FRMD5: variants seen among roughly 807,000 people sequenced by gnomAD.
FRMD5 encodes the protein FERM domain containing 5.
Under a neutral mutation model 69.0 loss-of-function variants are expected in FRMD5, and 20 were observed. The observed-to-expected ratio is 0.29, with a 90% CI of 0.20 to 0.42. The LOEUF (loss-of-function observed/expected upper bound fraction) is 0.42. FRMD5 is among the 10% of genes least tolerant of loss of function. The pLI is 1.00. For synonymous variants in FRMD5, 271 were observed against 260.1 expected (o/e 1.04, Z -0.40); for missense variants, 595 against 708.6 (o/e 0.84, Z 1.82).
intron 1 of FRMD5, among the ~76,000 whole-genome samples, chr15:44,169,704 A>G (rs980704341): frequency 1.3e-5 from 2 of 152,166 alleles, no homozygotes; most frequent in African/African-American, 4.8e-5. Context: ...ATATGATACA[A>G]TAACAAAACA....
In FRMD5 at chr15:43,884,787, A is replaced by G; in HGVS notation, c.968T>C (p.Val323Ala). ...ACTTGATTCCATGACTTCCTTTGCA[A>G]CTCGGCCACTGTAAGTAGTGTAATA... ...KGSRFRYSGR[V>A]AKEVMESSAK... Residue 323 changes from valine to alanine, a missense_variant, in exon 12 of 14, where the codon GTT becomes GCT. Around this residue, in one of 5 missense-constraint regions of FRMD5, gnomAD observed 176 missense variants for 266.3 expected, o/e 0.66. Transcript: ENST00000417257. 1 of 1,613,986 alleles carries G rather than the reference A, an allele frequency of 6.2e-7. No homozygotes were observed. Among genetic ancestry groups the G allele is most frequent in the Non-Finnish European group, 8.5e-7 (1 of 1,179,902 alleles).
At chr15:44,172,306 G>A (rs1371582638) in intron 1 of FRMD5, among the ~76,000 whole-genome samples, 1 of 148,822 alleles carries the variant, frequency 6.7e-6, no homozygotes, top group Non-Finnish European at 1.5e-5. Flanking sequence ...GAGGGACAGG[G>A]TCTTGCCATG....
intron 1 of FRMD5, among the ~76,000 whole-genome samples, chr15:44,037,319 A>G (rs1356874888): frequency 6.6e-6 from 1 of 152,082 alleles, no homozygotes; most frequent in Non-Finnish European, 1.5e-5. Flanking sequence ...ACATGAACTC[A>G]TCCTTTTTTA....
intron 1 of FRMD5, among the ~76,000 whole-genome samples, chr15:43,945,934 TA>T (rs2089939700): frequency 6.6e-6 from 1 of 152,048 alleles, no homozygotes; most frequent in Non-Finnish European, 1.5e-5. Flanking sequence ...CATGTGCCTG[TA>T]ATCCCAGCTA....
At chr15:44,149,284 A>G (rs1702210368) in intron 1 of FRMD5, among the ~76,000 whole-genome samples, 1 of 152,178 alleles carries the variant, frequency 6.6e-6, no homozygotes, top group Admixed American at 6.5e-5. Context: ...ACAAAAAGAA[A>G]TAAGAAAGGA....
intron 1 of FRMD5, among the ~76,000 whole-genome samples, chr15:44,079,715 T>A (rs1893919563): frequency 6.6e-6 from 1 of 152,128 alleles, no homozygotes; most frequent in Non-Finnish European, 1.5e-5. Context: ...AATCCAAATG[T>A]CCATTGACTG....
intron 1 of FRMD5, among the ~76,000 whole-genome samples, chr15:44,186,920 G>A (rs919823139): frequency 6.6e-6 from 1 of 152,186 alleles, no homozygotes; most frequent in African/African-American, 2.4e-5. Context: ...AAGCTGTCAG[G>A]GGTTCACTGG....
chr15:43,928,390 A>G (rs1207204967), intron 1 of FRMD5, among the ~76,000 whole-genome samples: 1 of 152,194 alleles, frequency 6.6e-6, no homozygotes, highest in Non-Finnish European at 1.5e-5. Context: ...ATCAACTTAG[A>G]GCTCTGCGCA....
At chr15:43,954,135 TATC>T (rs1296634043) in intron 1 of FRMD5, among the ~76,000 whole-genome samples, 2 of 152,214 alleles carry the variant, frequency 1.3e-5, no homozygotes, top group Non-Finnish European at 2.9e-5. Context: ...TTCAATTAAA[TATC>T]ATCAGGAAAG....
chr15:44,017,470 T>C (rs1178783143), intron 1 of FRMD5, among the ~76,000 whole-genome samples: 1 of 152,200 alleles, frequency 6.6e-6, no homozygotes, highest in Non-Finnish European at 1.5e-5. Context: ...TTTATTATTG[T>C]GATTACATTT....
At chr15:44,154,769 G>A (rs1005235988) in intron 1 of FRMD5, among the ~76,000 whole-genome samples, 5 of 152,174 alleles carry the variant, frequency 3.3e-5, no homozygotes, top group Non-Finnish European at 7.3e-5. Flanking sequence ...TCATGCGGAA[G>A]GGCTGAAAGG....
chr15:43,941,067 A>C (rs1207165063), intron 1 of FRMD5, among the ~76,000 whole-genome samples: 1 of 152,198 alleles, frequency 6.6e-6, no homozygotes, highest in Non-Finnish European at 1.5e-5. Context: ...TCAATTATCA[A>C]AGCATAGAAA....
intron 13 of FRMD5, chr15:43,879,572 C>G (rs1425186690): frequency 5.0e-6 from 2 of 398,948 alleles, no homozygotes; most frequent in African/African-American, 4.1e-5. Flanking sequence ...GCCGGGGCCC[C>G]ATCCTCAGGA....
At chr15:44,084,770 T>G (rs1415846550) in intron 1 of FRMD5, among the ~76,000 whole-genome samples, 1 of 152,082 alleles carries the variant, frequency 6.6e-6, no homozygotes, top group African/African-American at 2.4e-5. Flanking sequence ...ATTTGTTTTT[T>G]AAAAAGAACT....
intron 1 of FRMD5, among the ~76,000 whole-genome samples, chr15:43,974,374 C>G (rs1167356704): frequency 6.6e-6 from 1 of 152,166 alleles, no homozygotes; most frequent in Non-Finnish European, 1.5e-5. Flanking sequence ...GGACTCCTAT[C>G]CAGTTGTCCA....
chr15:43,945,350 A>AT (rs200438189), intron 1 of FRMD5, among the ~76,000 whole-genome samples: 2,300 of 152,076 alleles, frequency 0.015, 63 homozygotes, highest in African/African-American at 0.053. Flanking sequence ...TAAAAATGTC[A>AT]TTTTTTTTAA....
chr15:44,014,943 G>A (rs1890889957), intron 1 of FRMD5, among the ~76,000 whole-genome samples: 1 of 152,102 alleles, frequency 6.6e-6, no homozygotes, highest in Non-Finnish European at 1.5e-5. Flanking sequence ...AGGGATGAAA[G>A]CACAAGAGGA....
rs1385798025 is a variant in FRMD5, at chr15:43,875,390, A to ATATATATATATATATATATATG, written c.1136-929_1136-928insCATATATATATATATATATATA. On this transcript the variant is annotated intron_variant, in intron 13 of 13. Coordinates refer to ENST00000417257, the MANE Select transcript of FRMD5 (RefSeq NM_032892.5). ...TATATATATATATATATATATATATATATGTATGTATGAAACAAGAGAAGG... is the reference window on the plus strand; with the variant it reads ...TATATATATATATATATATATATATATATATATATATATATATATATGTATGTATGTATGAAACAAGAGAAGG... Among the ~76,000 whole-genome samples, 11 of 124,806 alleles carry ATATATATATATATATATATATG rather than the reference A, an allele frequency of 8.8e-5. No individual in the cohort carries two copies. In the East Asian group the frequency reaches 1.3e-3, roughly 15 times the overall value. The allele number at this position is 124,806 out of a possible 152,430, so 81.9% of individuals were successfully genotyped here. A position where few individuals can be genotyped will look rare whatever the true frequency, so the allele number is the denominator to read the frequency against.
chr15:43,962,888 C>T (rs2090227367), intron 1 of FRMD5, among the ~76,000 whole-genome samples: 1 of 152,126 alleles, frequency 6.6e-6, no homozygotes, highest in Non-Finnish European at 1.5e-5. Context: ...TTCCTTACAC[C>T]TTATAGAAAA....
Sources: allele counts gnomAD v4.1 joint callset (sites outside exome capture counted in the v4.1 genomes callset), GRCh38; gene constraint gnomAD v4.1.1; regional missense constraint gnomAD v4.1.1; transcripts MANE v1.5; gene names NCBI Gene and HGNC (gene_info 2026-07-23, HGNC 2026-07-21).